Variants in SCHIP1 observed in about 807,000 individuals in gnomAD.
SCHIP1 encodes the protein schwannomin-interacting protein 1.
In SCHIP1, 8 loss-of-function variants were observed where a neutral mutation model predicts 29.7. The ratio of observed to expected loss-of-function variants is 0.27; its 90% CI spans 0.16 to 0.49. SCHIP1 has a LOEUF of 0.49. Among genes scored for constraint, SCHIP1 ranks in the 20% least tolerant of loss-of-function variants. The probability of loss-of-function intolerance (pLI) is 0.99; values close to 1 mark genes in which losing one functional copy is unlikely to be tolerated. For synonymous variants in SCHIP1, 76 were observed against 94.9 expected, an observed-to-expected ratio of 0.80 and a Z score of 1.16; for missense variants, 193 against 294.6, an observed-to-expected ratio of 0.66 and a Z score of 2.52.
the SCHIP1 span, among the ~76,000 whole-genome samples, chr3:159,756,680 A>G: frequency 6.6e-6 from 1 of 152,200 alleles, no homozygotes; most frequent in Non-Finnish European, 1.5e-5. Flanking sequence ...GTCAGGCTAC[A>G]AATTTTCCAA....
the SCHIP1 span, among the ~76,000 whole-genome samples, chr3:159,696,310 A>G: frequency 5.0e-4 from 76 of 152,174 alleles, 1 homozygote; most frequent in Admixed American, 4.9e-3. Flanking sequence ...CACCTCCATT[A>G]TCTCACATAC....
chr3:159,443,797 G>T, the SCHIP1 span, among the ~76,000 whole-genome samples: 1 of 152,098 alleles, frequency 6.6e-6, no homozygotes, highest in Non-Finnish European at 1.5e-5. Flanking sequence ...ATGAGCCATC[G>T]CACCCAGCCT....
chr3:159,599,622 A>G, the SCHIP1 span, among the ~76,000 whole-genome samples: 77 of 152,296 alleles, frequency 5.1e-4, no homozygotes, highest in Non-Finnish European at 9.8e-4. Context: ...TGCTATGTAT[A>G]TATACCATAT....
the SCHIP1 span, among the ~76,000 whole-genome samples, chr3:159,805,902 A>G: frequency 1.9e-4 from 27 of 144,750 alleles, no homozygotes; most frequent in South Asian, 5.9e-3. Flanking sequence ...TCCGCCTCCC[A>G]GGTTCGAGCA....
At chr3:159,336,456 T>C in the SCHIP1 span, among the ~76,000 whole-genome samples, 2 of 152,218 alleles carry the variant, frequency 1.3e-5, no homozygotes, top group African/African-American at 4.8e-5. Flanking sequence ...TAGGTTTTCT[T>C]CTAGGGTTTT....
At chr3:159,436,051 C>T in the SCHIP1 span, among the ~76,000 whole-genome samples, 5 of 152,116 alleles carry the variant, frequency 3.3e-5, no homozygotes, top group African/African-American at 1.2e-4. Context: ...CTGAAAGCTT[C>T]AGCTGGAAAA....
At chr3:159,896,916 C>CATTAATT in exon 7 of SCHIP1, 1 of 793,472 alleles carries the variant, frequency 1.3e-6, no homozygotes, top group Non-Finnish European at 1.8e-6. Flanking sequence ...AGTGATTGGC[C>CATTAATT]TTTGCTTCTT....
At chr3:159,312,956 T>G in the SCHIP1 span, among the ~76,000 whole-genome samples, 1 of 152,354 alleles carries the variant, frequency 6.6e-6, no homozygotes, top group South Asian at 2.1e-4. Context: ...CTTGCATTAT[T>G]CTTTAATTTC....
the SCHIP1 span, among the ~76,000 whole-genome samples, chr3:159,436,930 T>C: frequency 6.6e-6 from 1 of 152,072 alleles, no homozygotes; most frequent in Non-Finnish European, 1.5e-5. Flanking sequence ...GGAGCTATCA[T>C]GGAAAGTGAA....
chr3:159,728,016 T>TA, the SCHIP1 span, among the ~76,000 whole-genome samples: 21,687 of 150,280 alleles, frequency 0.14, 1,826 homozygotes, highest in Middle Eastern at 0.23. Context: ...TTTTTTTTTT[T>TA]AAAAAGGCAA....
chr3:159,404,826 T>A, the SCHIP1 span, among the ~76,000 whole-genome samples: 1 of 152,348 alleles, frequency 6.6e-6, no homozygotes, highest in East Asian at 1.9e-4. Context: ...CTGCAGGTCT[T>A]GGGTGAGACC....
the SCHIP1 span, among the ~76,000 whole-genome samples, chr3:159,832,095 A>G: frequency 6.6e-6 from 1 of 152,128 alleles, no homozygotes; most frequent in Non-Finnish European, 1.5e-5. Flanking sequence ...TCTCTTGGAA[A>G]GAGATTTCTT....
the SCHIP1 span, among the ~76,000 whole-genome samples, chr3:159,371,057 C>CTT: frequency 2.1e-5 from 1 of 47,256 alleles, no homozygotes; most frequent in African/African-American, 1.3e-4. Context: ...TATTGTCTGT[C>CTT]TTTCCTGATT....
At chr3:159,439,083 T>C in the SCHIP1 span, among the ~76,000 whole-genome samples, 1 of 152,182 alleles carries the variant, frequency 6.6e-6, no homozygotes. Flanking sequence ...TCCACAATGG[T>C]TGAACTAATT....
the SCHIP1 span, among the ~76,000 whole-genome samples, chr3:159,805,601 T>C: frequency 3.9e-5 from 6 of 152,130 alleles, no homozygotes; most frequent in Admixed American, 2.6e-4. Flanking sequence ...CCACAGTGTG[T>C]CTTTCTCTCT....
the SCHIP1 span, among the ~76,000 whole-genome samples, chr3:159,523,609 C>T: frequency 0.015 from 2,321 of 152,088 alleles, 69 homozygotes; most frequent in African/African-American, 0.054. Context: ...CTTTTAGGAA[C>T]ATTTAGCAAC....
At chr3:159,704,969 C>A in the SCHIP1 span, among the ~76,000 whole-genome samples, 2 of 98,742 alleles carry the variant, frequency 2.0e-5, no homozygotes, top group Admixed American at 1.1e-4. Flanking sequence ...TTACTTTTTT[C>A]TTTTGTTTTT....
the SCHIP1 span, among the ~76,000 whole-genome samples, chr3:159,610,263 T>A: frequency 6.6e-6 from 1 of 152,098 alleles, no homozygotes; most frequent in African/African-American, 2.4e-5. Flanking sequence ...CAGTGGTAAA[T>A]AGCAGCAAAC....
At chr3:159,773,471 A>G in the SCHIP1 span, among the ~76,000 whole-genome samples, 1 of 152,092 alleles carries the variant, frequency 6.6e-6, no homozygotes, top group East Asian at 1.9e-4. Context: ...TCCCACTTTT[A>G]ATGACCTGTG....
Sources: gnomAD v4.1 joint callset for allele counts (sites outside exome capture counted in the v4.1 genomes callset) on GRCh38, gnomAD v4.1.1 for gene constraint, MANE v1.5 for transcripts, NCBI Gene and HGNC (gene_info 2026-07-23, HGNC 2026-07-21) for gene names.